Variants in FOXJ3 observed in about 807,000 individuals in gnomAD.
FOXJ3 encodes forkhead box J3.
In FOXJ3, 22 loss-of-function variants were observed where a neutral mutation model predicts 76.1. The observed-to-expected ratio is 0.29, with a 90% CI of 0.21 to 0.41. The LOEUF is 0.41. Ranked by LOEUF, FOXJ3 falls within the 10% of genes least tolerant of loss-of-function variation. The probability of loss-of-function intolerance (pLI) is 1.00; values close to 1 mark genes in which losing one functional copy is unlikely to be tolerated. For synonymous variants in FOXJ3, 269 were observed against 261.2 expected, an observed-to-expected ratio of 1.03 and a Z score of -0.29; for missense variants, 613 against 762.1, an observed-to-expected ratio of 0.80 and a Z score of 2.30.
intron 3 of FOXJ3, among the ~76,000 whole-genome samples, 180 bp downstream of exon 3, chr1:42,278,168 A>G (rs1343610852): frequency 6.6e-6 from 1 of 152,088 alleles, no homozygotes; most frequent in Non-Finnish European, 1.5e-5. Context: ...GCTTCAACAC[A>G]CTAATAATCT....
At chr1:42,308,162 C>T (rs1654580748) in intron 2 of FOXJ3, among the ~76,000 whole-genome samples, 1 of 152,220 alleles carries the variant, frequency 6.6e-6, no homozygotes, top group African/African-American at 2.4e-5. Flanking sequence ...TCCAGTTCTT[C>T]TCCACCAACT....
intron 11 of FOXJ3, among the ~76,000 whole-genome samples, chr1:42,187,184 T>C (rs556795454): frequency 1.1e-4 from 16 of 152,342 alleles, no homozygotes; most frequent in African/African-American, 3.8e-4. Context: ...CACATCATCT[T>C]CTACTTCTCC....
At chr1:42,226,823 T>C (rs1647609796) in intron 5 of FOXJ3, among the ~76,000 whole-genome samples, 2 of 152,228 alleles carry the variant, frequency 1.3e-5, no homozygotes. Context: ...CATGAACTCA[T>C]GTGATCCCAA....
chr1:42,316,333 C>CATTTTTTTTTTTTT (rs1322633444), intron 1 of FOXJ3, among the ~76,000 whole-genome samples: 1 of 73,914 alleles, frequency 1.4e-5, no homozygotes, highest in Non-Finnish European at 2.7e-5. Context: ...TGCATTGGGC[C>CATTTTTTTTTTTTT]TTTTTTTTTT....
chr1:42,245,078 G>T (rs1649439222), intron 4 of FOXJ3, among the ~76,000 whole-genome samples: 1 of 150,162 alleles, frequency 6.7e-6, no homozygotes, highest in African/African-American at 2.5e-5. Flanking sequence ...TACTCAGAAG[G>T]TTGAGGCAGG....
chr1:42,270,291 A>C (rs1230128614), intron 3 of FOXJ3, among the ~76,000 whole-genome samples: 1 of 152,122 alleles, frequency 6.6e-6, no homozygotes, highest in Non-Finnish European at 1.5e-5. Context: ...CGTCATCCTG[A>C]ATTTCTCATC....
chr1:42,234,534 T>C (rs1051707011), intron 4 of FOXJ3, among the ~76,000 whole-genome samples: 16 of 152,206 alleles, frequency 1.1e-4, no homozygotes, highest in African/African-American at 3.6e-4. Context: ...TGTGGTTTTG[T>C]CTACCTTTGG....
At chr1:42,309,911 T>C (rs893598347) in intron 2 of FOXJ3, among the ~76,000 whole-genome samples, 1 of 152,248 alleles carries the variant, frequency 6.6e-6, no homozygotes, top group African/African-American at 2.4e-5. Context: ...ATGAATTGAT[T>C]GGCAAAACTC....
chr1:42,317,502 T>C (rs1301862180), intron 1 of FOXJ3, among the ~76,000 whole-genome samples: 1 of 118,444 alleles, frequency 8.4e-6, no homozygotes, highest in East Asian at 2.3e-4. Context: ...CACAGATAAT[T>C]AAGAGAAACC....
At position 42,191,344 on chromosome 1, in the gene FOXJ3, T is replaced by C. The variant is rs1197561173; in HGVS notation, c.1310A>G (p.His437Arg). 1.3e-6 allele frequency: 2 copies of C among 1,562,804 alleles called. No individual in the cohort carries two copies. The highest frequency in any genetic ancestry group is 2.7e-5 in the African/African-American group (2 of 74,060). ...HPNHQHQTLT[H>R]QAPPPPQQVS... is the part of the protein sequence containing the mutation. ...CTGTTGTGGGGGTGGGGGTGCCTGA[T>C]GTGTTAACGTCTGATGCTGATGGTT... The change falls in exon 9 of 13, where the codon CAT becomes CGT. Residue 437 changes from histidine to arginine, a missense_variant. Coordinates refer to ENST00000361346, the MANE Select transcript of FOXJ3 (RefSeq NM_014947.5).
intron 2 of FOXJ3, among the ~76,000 whole-genome samples, chr1:42,299,367 C>CTTT (rs34855114): frequency 4.7e-4 from 68 of 144,880 alleles, no homozygotes; most frequent in East Asian, 1.0e-3. Flanking sequence ...TAATGCTCAT[C>CTTT]TTTTTTTTTT....
At chr1:42,205,989 A>C (rs1646853910) in intron 5 of FOXJ3, 126 bp from the exon 6 acceptor site, 1 of 609,004 alleles carries the variant, frequency 1.6e-6, no homozygotes, top group East Asian at 2.9e-5. Flanking sequence ...AATGAATTTA[A>C]ATCACTAGTG....
At chr1:42,197,254 G>C (rs1646668917) in intron 7 of FOXJ3, among the ~76,000 whole-genome samples, 1 of 151,964 alleles carries the variant, frequency 6.6e-6, no homozygotes, top group Non-Finnish European at 1.5e-5. Flanking sequence ...TGTAATCCTA[G>C]CACTTTGGGA....
intron 4 of FOXJ3, among the ~76,000 whole-genome samples, chr1:42,261,391 TTGTGTG>T (rs148863138): frequency 2.0e-5 from 3 of 151,786 alleles, no homozygotes; most frequent in African/African-American, 7.3e-5. Context: ...GAATTTCATT[TTGTGTG>T]TGTGTGTGTT....
intron 1 of FOXJ3, among the ~76,000 whole-genome samples, chr1:42,314,249 G>A (rs1654976961): frequency 6.6e-6 from 1 of 152,090 alleles, no homozygotes. Context: ...CAGGGACTCA[G>A]AATCTTTTTA....
At chr1:42,301,763 G>A (rs1310332949) in intron 2 of FOXJ3, among the ~76,000 whole-genome samples, 9 of 152,050 alleles carry the variant, frequency 5.9e-5, no homozygotes, top group Admixed American at 5.9e-4. Context: ...ATCTCATTGA[G>A]CTTCTTTAAA....
chr1:42,236,086 G>C (rs1028375019), intron 4 of FOXJ3, among the ~76,000 whole-genome samples: 1 of 151,682 alleles, frequency 6.6e-6, no homozygotes, highest in Non-Finnish European at 1.5e-5. Context: ...ACGAACACAG[G>C]ATCAGTCCAA....
intron 4 of FOXJ3, among the ~76,000 whole-genome samples, chr1:42,234,693 G>T (rs1212882011): frequency 6.6e-6 from 1 of 152,186 alleles, no homozygotes; most frequent in African/African-American, 2.4e-5. Flanking sequence ...GGTATCAGCA[G>T]CAGAGGTTGC....
intron 11 of FOXJ3, among the ~76,000 whole-genome samples, chr1:42,187,506 G>T (rs1646461999): frequency 1.3e-5 from 2 of 152,090 alleles, no homozygotes; most frequent in Admixed American, 1.3e-4. Context: ...ACAAAGTATG[G>T]GCTTAGAACC....
Sources: gnomAD v4.1 joint callset for allele counts (sites outside exome capture counted in the v4.1 genomes callset) on GRCh38, gnomAD v4.1.1 for gene constraint, MANE v1.5 for transcripts, NCBI Gene and HGNC (gene_info 2026-07-23, HGNC 2026-07-21) for gene names.